CHCHD6: variants seen among roughly 807,000 people sequenced by gnomAD.
CHCHD6 encodes the protein MICOS complex subunit MIC25.
In CHCHD6, 28 loss-of-function variants were observed where a neutral mutation model predicts 32.3. The observed-to-expected ratio is 0.87, with a 90% CI of 0.64 to 1.19. The LOEUF (loss-of-function observed/expected upper bound fraction) is 1.19. Among genes scored for constraint, CHCHD6 ranks in the 50% most tolerant of loss-of-function variants. The pLI is 0.00. For missense variants in CHCHD6, 333 were observed against 307.0 expected (o/e 1.08, Z -0.63); for synonymous variants, 122 against 117.5 (o/e 1.04, Z -0.25).
At chr3:126,817,553 G>T (rs564105048) in intron 4 of CHCHD6, among the ~76,000 whole-genome samples, 1 of 152,068 alleles carries the variant, frequency 6.6e-6, no homozygotes, top group Non-Finnish European at 1.5e-5. Flanking sequence ...CAGAACCCCC[G>T]CTCCCCACCC....
intron 4 of CHCHD6, among the ~76,000 whole-genome samples, chr3:126,833,699 C>T (rs934806022): frequency 8.5e-5 from 13 of 152,124 alleles, no homozygotes; most frequent in Non-Finnish European, 1.3e-4. Flanking sequence ...TACAACCTCT[C>T]GAGAAGATTG....
At chr3:126,880,916 G>A (rs777995491) in intron 5 of CHCHD6, among the ~76,000 whole-genome samples, 13 of 152,196 alleles carry the variant, frequency 8.5e-5, no homozygotes, top group Non-Finnish European at 1.3e-4. Flanking sequence ...GTGGAGGCTG[G>A]AACATGGATC....
chr3:126,869,165 A>C (rs553077460), intron 5 of CHCHD6, among the ~76,000 whole-genome samples: 1 of 152,222 alleles, frequency 6.6e-6, no homozygotes. Flanking sequence ...AAATAATACA[A>C]ACATAGTTTG....
intron 1 of CHCHD6, among the ~76,000 whole-genome samples, chr3:126,721,222 C>T (rs1407654523): frequency 6.6e-6 from 1 of 152,176 alleles, no homozygotes; most frequent in African/African-American, 2.4e-5. Flanking sequence ...ATGGTTGGAC[C>T]TCTCCCTTTG....
chr3:126,865,877 G>A (rs1444075019), intron 5 of CHCHD6, among the ~76,000 whole-genome samples: 7 of 152,324 alleles, frequency 4.6e-5, no homozygotes, highest in South Asian at 4.1e-4. Context: ...AGAGGCTGTG[G>A]CCCTCCTGGG....
intron 6 of CHCHD6, among the ~76,000 whole-genome samples, chr3:126,932,166 T>G (rs2078415638): frequency 1.3e-5 from 2 of 152,142 alleles, no homozygotes; most frequent in Admixed American, 1.3e-4. Context: ...GCCTTCACCA[T>G]GCCCTGCTGC....
intron 5 of CHCHD6, among the ~76,000 whole-genome samples, chr3:126,875,746 G>A (rs2077532028): frequency 6.6e-6 from 1 of 152,208 alleles, no homozygotes; most frequent in Non-Finnish European, 1.5e-5. Context: ...AGTTTATGCA[G>A]TGTGTTAAAG....
chr3:126,871,727 G>A (rs1011018233), intron 5 of CHCHD6, among the ~76,000 whole-genome samples: 1 of 146,530 alleles, frequency 6.8e-6, no homozygotes, highest in Non-Finnish European at 1.5e-5. Context: ...GTGCAGTGGC[G>A]CAATCTTGGC....
intron 4 of CHCHD6, among the ~76,000 whole-genome samples, chr3:126,802,006 G>C (rs966378719): frequency 5.3e-5 from 8 of 152,240 alleles, no homozygotes. Context: ...TGAGGGTCCT[G>C]TCCGTTAGAA....
At chr3:126,869,626 G>A (rs2077439238) in intron 5 of CHCHD6, among the ~76,000 whole-genome samples, 1 of 151,906 alleles carries the variant, frequency 6.6e-6, no homozygotes, top group South Asian at 2.1e-4. Flanking sequence ...TAGGCAGTTT[G>A]TCTTTTTCTA....
intron 4 of CHCHD6, among the ~76,000 whole-genome samples, chr3:126,852,002 G>A (rs1263497773): frequency 6.6e-6 from 1 of 152,200 alleles, no homozygotes; most frequent in Non-Finnish European, 1.5e-5. Flanking sequence ...AGGGCCCTTG[G>A]CCCTGTGCTC....
chr3:126,893,432 C>T (rs1224464203), intron 5 of CHCHD6, among the ~76,000 whole-genome samples: 4 of 152,162 alleles, frequency 2.6e-5, no homozygotes, highest in East Asian at 1.9e-4. Flanking sequence ...TGGGAATTGG[C>T]GGCCTTGCCA....
At chr3:126,949,351 G>A (rs374295904) in intron 6 of CHCHD6, 8 of 227,992 alleles carry the variant, frequency 3.5e-5, no homozygotes, top group South Asian at 2.5e-4. Flanking sequence ...TGCCATGGAC[G>A]GAAGGGAAGG....
intron 4 of CHCHD6, among the ~76,000 whole-genome samples, chr3:126,801,715 C>G (rs899897511): frequency 2.5e-4 from 38 of 152,338 alleles, no homozygotes; most frequent in Admixed American, 1.1e-3. Context: ...AGCAGTGGTT[C>G]TCCCAGCACG....
At chr3:126,800,808 C>T (rs1939026648) in intron 4 of CHCHD6, among the ~76,000 whole-genome samples, 1 of 152,156 alleles carries the variant, frequency 6.6e-6, no homozygotes, top group South Asian at 2.1e-4. Flanking sequence ...TTAACCACAG[C>T]CCTACAGGAG....
rs374040584 is a variant in CHCHD6, at chr3:126,900,021, C to A, written c.496-14659C>A. 2.8e-4 allele frequency among the ~76,000 whole-genome samples: 42 copies of A among 152,326 alleles called. 1 individual carries two copies. In the South Asian group the frequency reaches 8.5e-3, roughly 31 times the overall value. ...ATAAGTCAATCTCCCACAATCTCAC[C>A]AGATCTTATTTGTTAAATTGTACGT... On this transcript the variant is annotated intron_variant, in intron 5 of 7. Transcript: ENST00000290913.
chr3:126,787,262 G>A (rs1234487350), intron 4 of CHCHD6, among the ~76,000 whole-genome samples: 1 of 150,810 alleles, frequency 6.6e-6, no homozygotes. Flanking sequence ...GTAGCATGAT[G>A]CCTCCAGCTT....
intron 1 of CHCHD6, among the ~76,000 whole-genome samples, chr3:126,710,090 A>C (rs148941009): frequency 6.6e-6 from 1 of 152,224 alleles, no homozygotes; most frequent in Admixed American, 6.5e-5. Context: ...TTTATTTACA[A>C]AATCAATTGG....
chr3:126,909,659 T>TGGA (rs146102820), intron 5 of CHCHD6, among the ~76,000 whole-genome samples: 4 of 152,134 alleles, frequency 2.6e-5, no homozygotes, highest in African/African-American at 7.2e-5. Flanking sequence ...GTGGGGCAGC[T>TGGA]GGAGGAGGAG....
Sources: gnomAD v4.1 joint callset for allele counts (sites outside exome capture counted in the v4.1 genomes callset) on GRCh38, gnomAD v4.1.1 for gene constraint, MANE v1.5 for transcripts, NCBI Gene and HGNC (gene_info 2026-07-23, HGNC 2026-07-21) for gene names.